The following TGM3 variants were observed in gnomAD, a reference collection of about 807,000 sequenced individuals.
TGM3 encodes the protein protein-glutamine gamma-glutamyltransferase E.
In TGM3, 52 loss-of-function variants were observed where a neutral mutation model predicts 73.8. The ratio of observed to expected loss-of-function variants is 0.70; its 90% CI spans 0.56 to 0.89. The LOEUF is 0.89. TGM3 is among the 40% of genes least tolerant of loss of function. The probability of loss-of-function intolerance (pLI) is 0.00; values close to 1 mark genes in which losing one functional copy is unlikely to be tolerated. For missense variants in TGM3, 928 were observed against 909.9 expected (o/e 1.02, Z -0.26); for synonymous variants, 372 against 354.9 (o/e 1.05, Z -0.54).
In TGM3 at chr20:2,328,376, C is replaced by G; in HGVS notation, c.1333+11C>G. ...ACAAGTACCCAGAAGGTAGGAGGGA[C>G]GCTGGCGGGGCAGTGCCGCGAGAGG... On this transcript the variant is annotated intron_variant, in intron 9 of 12. Transcript: ENST00000381458. This position sits in a 1 kb window ranked among gnomAD's most constrained non-coding sequence, Gnocchi z 5.2. 1.9e-6 allele frequency: 3 copies of G among 1,613,622 alleles called. No homozygotes were observed. Among genetic ancestry groups the G allele is most frequent in the South Asian group, 1.1e-5 (1 of 91,038 alleles).
intron 7 of TGM3, among the ~76,000 whole-genome samples, chr20:2,320,109 T>C (rs2084255051): frequency 6.6e-6 from 1 of 152,138 alleles, no homozygotes; most frequent in African/African-American, 2.4e-5. Context: ...TGGCGTGAAA[T>C]TACTAAGCTA....
chr20:2,298,893 C>T (rs1355592261), intron 1 of TGM3, among the ~76,000 whole-genome samples: 1 of 152,128 alleles, frequency 6.6e-6, no homozygotes, highest in African/African-American at 2.4e-5. Flanking sequence ...AAATGAGGAC[C>T]AGCTGCCTCC....
intron 8 of TGM3, among the ~76,000 whole-genome samples, chr20:2,327,454 G>C (rs1419339473): frequency 6.6e-6 from 1 of 152,064 alleles, no homozygotes; most frequent in Non-Finnish European, 1.5e-5. Context: ...TCCAGACTGG[G>C]CGACAGAGCA....
chr20:2,317,275 G>T, intron 6 of TGM3, 30 bp downstream of exon 6: 2 of 1,613,726 alleles, frequency 1.2e-6, no homozygotes, highest in Non-Finnish European at 1.7e-6. Context: ...CCTTGGCTGG[G>T]TCAGTGGGTG....
intron 10 of TGM3, among the ~76,000 whole-genome samples, chr20:2,333,824 C>G (rs997825511): frequency 6.6e-6 from 1 of 152,132 alleles, no homozygotes; most frequent in Non-Finnish European, 1.5e-5. Context: ...GGTCGTCTGC[C>G]AAGTAGTTGC....
intron 1 of TGM3, among the ~76,000 whole-genome samples, chr20:2,299,966 C>T (rs1402039391): frequency 6.6e-6 from 1 of 151,932 alleles, no homozygotes; most frequent in South Asian, 2.1e-4. Context: ...CATGCTGGCA[C>T]GCACTTGTAG....
At chr20:2,309,308 G>A (rs139735784) in intron 1 of TGM3, among the ~76,000 whole-genome samples, 115 of 152,300 alleles carry the variant, frequency 7.6e-4, no homozygotes, top group Middle Eastern at 6.8e-3. Flanking sequence ...CATTTGGCCC[G>A]TTCCTTAAGG....
intron 11 of TGM3, among the ~76,000 whole-genome samples, chr20:2,337,096 T>C (rs1199700858): frequency 6.6e-6 from 1 of 152,144 alleles, no homozygotes; most frequent in African/African-American, 2.4e-5. Flanking sequence ...CTGTTCTGAG[T>C]TCATCACTGT....
At chr20:2,339,765 T>C in intron 11 of TGM3, 89 bp from the exon 12 acceptor site, 1 of 1,566,658 alleles carries the variant, frequency 6.4e-7, no homozygotes, top group Non-Finnish European at 8.7e-7. Context: ...ATCACCCCCT[T>C]CACTCAGTCA....
chr20:2,299,654 C>T (rs214774), intron 1 of TGM3, among the ~76,000 whole-genome samples: 112,539 of 152,128 alleles, frequency 0.74, 43,531 homozygotes, highest in East Asian at 0.93. Context: ...AAGAGGACAG[C>T]GACTCCTCCC....
At chr20:2,321,151 C>G (rs2084260714) in intron 7 of TGM3, among the ~76,000 whole-genome samples, 1 of 152,220 alleles carries the variant, frequency 6.6e-6, no homozygotes, top group Non-Finnish European at 1.5e-5. Flanking sequence ...AGAAACAACT[C>G]AATTCAGCAA....
chr20:2,326,062 G>A, intron 8 of TGM3, 110 bp downstream of exon 8: 1 of 1,089,750 alleles, frequency 9.2e-7, no homozygotes, highest in Non-Finnish European at 1.3e-6. Flanking sequence ...AATGCATGAT[G>A]GGATTAAAAC....
chr20:2,296,638 T>C (rs2084109716), intron 1 of TGM3, among the ~76,000 whole-genome samples: 1 of 152,108 alleles, frequency 6.6e-6, no homozygotes, highest in African/African-American at 2.4e-5. Context: ...GTAAGTGACT[T>C]GATGAGCTGA....
intron 7 of TGM3, among the ~76,000 whole-genome samples, chr20:2,317,940 T>C (rs1568627330): frequency 7.6e-6 from 1 of 131,972 alleles, no homozygotes; most frequent in Non-Finnish European, 1.6e-5. Flanking sequence ...TATATATATA[T>C]ATCATATATA....
intron 1 of TGM3, among the ~76,000 whole-genome samples, chr20:2,303,647 G>GC (rs1323969587): frequency 6.6e-6 from 1 of 152,152 alleles, no homozygotes; most frequent in African/African-American, 2.4e-5. Flanking sequence ...TTACCCCATG[G>GC]CCACCGAGCC....
rs2084327993 is a variant in TGM3 at position 2,332,673 on chromosome 20, G to T, written c.1642+363G>T. ...CCATCTTATAGAAGCAGAAAGTGAG[G>T]CTGGGAGAGATTTGTGACTTGCTTC... On this transcript the variant is annotated intron_variant, in intron 10 of 12. Transcript: ENST00000381458. This position sits in a 1 kb window ranked among gnomAD's most constrained non-coding sequence, Gnocchi z 4.4. Among the ~76,000 whole-genome samples, 1 of 152,328 alleles carries T rather than the reference G, an allele frequency of 6.6e-6. No homozygotes were observed. Among genetic ancestry groups the T allele is most frequent in the African/African-American group, 2.4e-5 (1 of 41,578 alleles).
In TGM3 at chr20:2,307,489, C is replaced by T. The variant is rs547324558; in HGVS notation, c.8-2168C>T. On this transcript the variant is annotated intron_variant, in intron 1 of 12. Transcript: ENST00000381458. Reference sequence around the variant, plus strand: ...GAATGCAGGCAGCTCTATGGGCACCCGGCAAAATTCTCTCTCCTTTCAAGG... The same window carrying T: ...GAATGCAGGCAGCTCTATGGGCACCTGGCAAAATTCTCTCTCCTTTCAAGG... Among the ~76,000 whole-genome samples the T allele has an allele frequency of 3.9e-5, 6 of 152,276 alleles. No individual in the cohort carries two copies. In the South Asian group the frequency reaches 6.2e-4, roughly 16 times the overall value.
At chr20:2,308,188 C>T (rs779354951) in intron 1 of TGM3, among the ~76,000 whole-genome samples, 1 of 152,160 alleles carries the variant, frequency 6.6e-6, no homozygotes, top group Non-Finnish European at 1.5e-5. Flanking sequence ...CACCACTGAG[C>T]TCCAGCCTGG....
At position 2,328,385 on chromosome 20, in the gene TGM3, G is replaced by A. The variant is rs1213978837; in HGVS notation, c.1333+20G>A. The stretch of plus-strand genomic sequence containing the variant: ...CAGAAGGTAGGAGGGACGCTGGCGG[G>A]GCAGTGCCGCGAGAGGTTCTATTGT... On this transcript the variant is annotated intron_variant, in intron 9 of 12. Transcript: ENST00000381458. This position sits in a 1 kb window ranked among gnomAD's most constrained non-coding sequence, Gnocchi z 5.2. The A allele has an allele frequency of 1.2e-6, 2 of 1,613,406 alleles. No homozygotes were observed. Among genetic ancestry groups the A allele is most frequent in the Non-Finnish European group, 8.5e-7 (1 of 1,179,570 alleles).
Sources: gnomAD v4.1 joint callset for allele counts (sites outside exome capture counted in the v4.1 genomes callset) on GRCh38, gnomAD v4.1.1 for gene constraint, Gnocchi (gnomAD v3.1) non-coding constraint, MANE v1.5 for transcripts, NCBI Gene and HGNC (gene_info 2026-07-23, HGNC 2026-07-21) for gene names.